UGT1A7: variants seen among roughly 807,000 people sequenced by gnomAD.
The protein encoded by UGT1A7 is UDP-glucuronosyltransferase 1A7.
A neutral mutation model predicts 45.6 loss-of-function variants in UGT1A7; 33 were observed. The ratio of observed to expected loss-of-function variants is 0.72; its 90% CI spans 0.55 to 0.97. The LOEUF is 0.97. Ranked by LOEUF, UGT1A7 falls within the 50% of genes least tolerant of loss-of-function variation. The probability of loss-of-function intolerance (pLI) is 0.00; values close to 1 mark genes in which losing one functional copy is unlikely to be tolerated. For synonymous variants in UGT1A7, 274 were observed against 250.6 expected (o/e 1.09, Z -0.88); for missense variants, 684 against 666.2 (o/e 1.03, Z -0.29).
intron 1 of UGT1A7, among the ~76,000 whole-genome samples, chr2:233,711,484 C>T (rs1182676928): frequency 6.6e-6 from 1 of 152,094 alleles, no homozygotes; most frequent in Non-Finnish European, 1.5e-5. Context: ...GATGTTGCAC[C>T]CACAGCTGAG....
At chr2:233,758,650 G>A (rs1202453447) in intron 1 of UGT1A7, among the ~76,000 whole-genome samples, 3 of 152,060 alleles carry the variant, frequency 2.0e-5, no homozygotes, top group Admixed American at 6.6e-5. Flanking sequence ...AAGAATGAGA[G>A]GGTACCCTAA....
At chr2:233,762,454 C>T (rs1698080898) in intron 1 of UGT1A7, among the ~76,000 whole-genome samples, 1 of 152,194 alleles carries the variant, frequency 6.6e-6, no homozygotes, top group African/African-American at 2.4e-5. Context: ...TGCCCACTTA[C>T]CGATAATGTC....
intron 1 of UGT1A7, chr2:233,741,767 G>A (rs1691768451): frequency 6.6e-6 from 1 of 151,872 alleles, no homozygotes; most frequent in South Asian, 2.1e-4. Flanking sequence ...ATGTGTTCAG[G>A]CCATGATTTT....
intron 1 of UGT1A7, among the ~76,000 whole-genome samples, chr2:233,694,884 G>A (rs1016434056): frequency 2.2e-4 from 33 of 152,200 alleles, no homozygotes; most frequent in African/African-American, 8.0e-4. Flanking sequence ...CATTTGGGGG[G>A]TTCATGTGAT....
intron 1 of UGT1A7, among the ~76,000 whole-genome samples, chr2:233,705,064 A>G (rs2075819913): frequency 6.6e-6 from 1 of 151,184 alleles, no homozygotes; most frequent in South Asian, 2.1e-4. Flanking sequence ...TGAACCCGGG[A>G]GGCGGAGGTT....
intron 1 of UGT1A7, chr2:233,729,857 C>T: frequency 6.2e-7 from 1 of 1,613,876 alleles, no homozygotes; most frequent in Non-Finnish European, 8.5e-7. Context: ...AGAGAGGTGT[C>T]AGTGGTGGAT....
intron 1 of UGT1A7, among the ~76,000 whole-genome samples, chr2:233,711,176 T>C (rs1233796559): frequency 1.3e-5 from 2 of 152,192 alleles, no homozygotes; most frequent in East Asian, 3.9e-4. Context: ...ACCAGGAATA[T>C]GAGCTACTCC....
At position 233,766,963 on chromosome 2, in the gene UGT1A7, C is replaced by T. The variant is rs1348072770; in HGVS notation, c.856-71C>T. On this transcript the variant is annotated intron_variant, in intron 1 of 4. Transcript: ENST00000373426. ...AGTCTTAAGAGGAAGATATCTAATT[C>T]ATAACTTACTGTATGTAGTCATCAA... is the stretch of plus-strand genomic sequence containing the variant. 3.4e-5 allele frequency: 54 copies of T among 1,607,648 alleles called. No individual in the cohort carries two copies. In the South Asian group the frequency reaches 3.5e-4, roughly 10 times the overall value.
chr2:233,705,692 A>G (rs2075866354), intron 1 of UGT1A7, among the ~76,000 whole-genome samples: 1 of 152,226 alleles, frequency 6.6e-6, no homozygotes, highest in African/African-American at 2.4e-5. Flanking sequence ...AACGACTGGT[A>G]TAAAAATTCA....
rs573003953 is a variant in UGT1A7 at position 233,701,574 on chromosome 2, A to C, written c.855+18782A>C. Among the ~76,000 whole-genome samples the C allele has an allele frequency of 5.6e-3, 856 of 152,260 alleles. 10 individuals carry two copies. The highest frequency in any genetic ancestry group is 0.02 in the African/African-American group (822 of 41,528). On this transcript the variant is annotated intron_variant, in intron 1 of 4. Coordinates refer to ENST00000373426, the MANE Select transcript of UGT1A7 (RefSeq NM_019077.3). ...CAGCACCACACCACACCTACTCCAA[A>C]ATTGACCACATAGTTGGAAGTAAAG... is the stretch of plus-strand genomic sequence containing the variant.
intron 1 of UGT1A7, among the ~76,000 whole-genome samples, chr2:233,761,366 G>T (rs541123734): frequency 6.6e-6 from 1 of 152,292 alleles, no homozygotes; most frequent in Admixed American, 6.5e-5. Context: ...GCATTCCTTG[G>T]ACATTTTACT....
chr2:233,748,637 G>C (rs1693996531), intron 1 of UGT1A7, among the ~76,000 whole-genome samples: 1 of 151,746 alleles, frequency 6.6e-6, no homozygotes, highest in South Asian at 2.1e-4. Flanking sequence ...TGTGATTATA[G>C]AATTACACAC....
At chr2:233,752,965 A>C (rs1252890509) in intron 1 of UGT1A7, among the ~76,000 whole-genome samples, 1 of 152,202 alleles carries the variant, frequency 6.6e-6, no homozygotes, top group East Asian at 1.9e-4. Flanking sequence ...GATTTATGTA[A>C]CCAATTGTGT....
At chr2:233,715,797 G>A (rs139277356) in intron 1 of UGT1A7, among the ~76,000 whole-genome samples, 22 of 152,256 alleles carry the variant, frequency 1.4e-4, no homozygotes, top group African/African-American at 4.8e-4. Flanking sequence ...TATTTGGAAT[G>A]TGAAAATCTT....
intron 1 of UGT1A7, among the ~76,000 whole-genome samples, chr2:233,731,783 C>T (rs553987259): frequency 3.5e-4 from 54 of 152,240 alleles, no homozygotes; most frequent in African/African-American, 1.2e-3. Context: ...CATTTATAAT[C>T]GTTTGGGTAT....
chr2:233,768,255 G>C lies in UGT1A7; in HGVS notation c.1111G>C (p.Gly371Arg). ...PMTRAFITHA[G>R]SHGVYESICN... is the part of the protein sequence containing the mutation. ...GACCCGTGCCTTTATCACCCATGCT[G>C]GTTCCCATGGTGTTTATGAAAGCAT... Residue 371 changes from glycine to arginine, a missense_variant, in exon 4 of 5, where the codon GGT (glycine) becomes CGT (arginine). By Grantham distance (125) the Gly-to-Arg change is moderately radical. Transcript: ENST00000373426. 1 of 1,614,166 alleles carries C rather than the reference G, an allele frequency of 6.2e-7. No individual in the cohort carries two copies. The highest frequency in any genetic ancestry group is 8.5e-7 in the Non-Finnish European group (1 of 1,180,040).
Position 233,772,248 on chromosome 2 carries a change from G to A in UGT1A7, c.1296-14G>A. ...CAGGTGTTCCAGGCATAACGAAACT[G>A]TCTTTGTGTTTAGTTACAAGGAGAA... is the stretch of plus-strand genomic sequence containing the variant. On this transcript the variant is annotated splice_polypyrimidine_tract_variant and intron_variant, in intron 4 of 4. Transcript: ENST00000373426. 6.2e-7 allele frequency: 1 copy of A among 1,614,220 alleles called. No individual in the cohort carries two copies. The highest frequency in any genetic ancestry group is 1.7e-5 in the Admixed American group (1 of 60,030).
At chr2:233,732,150 T>C (rs1356402869) in intron 1 of UGT1A7, among the ~76,000 whole-genome samples, 1 of 152,152 alleles carries the variant, frequency 6.6e-6, no homozygotes. Flanking sequence ...GTTTTTTTTC[T>C]TGTAAATTTG....
At chr2:233,692,430 T>G in intron 1 of UGT1A7, 1 of 155,338 alleles carries the variant, frequency 6.4e-6, no homozygotes, top group Non-Finnish European at 1.4e-5. Flanking sequence ...CAGACAGAAG[T>G]TGTGGGTAAC....
Sources: gnomAD v4.1 joint callset for allele counts (sites outside exome capture counted in the v4.1 genomes callset) on GRCh38, gnomAD v4.1.1 for gene constraint, MANE v1.5 for transcripts, NCBI Gene and HGNC (gene_info 2026-07-23, HGNC 2026-07-21) for gene names.